SLC15A5: variants seen among roughly 807,000 people sequenced by gnomAD.
The protein encoded by SLC15A5 is Peptide/histidine transporter ENSP00000340402.
Under a neutral mutation model 56.1 loss-of-function variants are expected in SLC15A5, and 58 were observed. That is an observed-to-expected ratio of 1.03 (90% CI 0.84 to 1.29). The LOEUF is 1.29. Ranked by LOEUF, SLC15A5 falls within the 50% of genes most tolerant of loss-of-function variation. The pLI is 0.00. For missense variants in SLC15A5, 681 were observed against 672.1 expected (o/e 1.01, Z -0.15); for synonymous variants, 264 against 250.5 (o/e 1.05, Z -0.51).
intron 3 of SLC15A5, among the ~76,000 whole-genome samples, chr12:16,249,939 A>C (rs1864503199): frequency 1.3e-5 from 2 of 151,960 alleles, no homozygotes; most frequent in Middle Eastern, 3.2e-3. Context: ...GACTTTTTGC[A>C]TATTGACCGC....
Position 16,230,234 on chromosome 12 carries a change from C to G in SLC15A5, c.1163-5632G>C, listed in dbSNP as rs144206989. ...TTTGAGGACATATTTATCATATAATCTTATTCTTGCAACTTAGAGAGGCTA... is the reference window on the plus strand; with the variant it reads ...TTTGAGGACATATTTATCATATAATGTTATTCTTGCAACTTAGAGAGGCTA... On this transcript the variant is annotated intron_variant, in intron 5 of 8. Coordinates refer to ENST00000344941, the MANE Select transcript of SLC15A5 (RefSeq NM_001170798.1). Among the ~76,000 whole-genome samples the G allele has an allele frequency of 1.9e-3, 291 of 152,228 alleles. 13 individuals carry two copies. The East Asian group carries it at 0.047, about 24-fold the overall frequency.
Position 16,243,139 on chromosome 12 carries a change from A to C in SLC15A5, c.975+1441T>G, listed in dbSNP as rs1864428818. ...ACATAGATACGACAAAACAAAGAGC[A>C]TGGCTATGTTCTGATAAAACTTCAT... On this transcript the variant is annotated intron_variant, in intron 4 of 8. Transcript: ENST00000344941. This position sits in a 1 kb window ranked among gnomAD's most constrained non-coding sequence, Gnocchi z 4.4. Among the ~76,000 whole-genome samples, 1 of 152,118 alleles carries C rather than the reference A, an allele frequency of 6.6e-6. No individual in the cohort carries two copies. Among genetic ancestry groups the C allele is most frequent in the African/African-American group, 2.4e-5 (1 of 41,422 alleles).
At chr12:16,221,702 A>G (rs1174107374) in intron 6 of SLC15A5, among the ~76,000 whole-genome samples, 2 of 152,194 alleles carry the variant, frequency 1.3e-5, no homozygotes, top group Non-Finnish European at 2.9e-5. Context: ...TTTGAAGAGA[A>G]TGGACTCATG....
chr12:16,277,634 T>C lies in SLC15A5; in HGVS notation c.52A>G (p.Ser18Gly). 6.5e-7 allele frequency: 1 copy of C among 1,536,250 alleles called. No homozygotes were observed. Reference protein sequence around the residue: ...ITDEKVHLYHSIEKEKTVRHI... With the variant: ...ITDEKVHLYHGIEKEKTVRHI... ...CTTACAGTTTTCTCCTTCTCAATGC[T>C]GTGATATAAGTGTACTTTCTCATCA... is the stretch of plus-strand genomic sequence containing the variant. Residue 18 changes from serine (S) to glycine (G), a missense_variant, in exon 1 of 9, where the codon AGC becomes GGC. By Grantham distance (56) the Ser-to-Gly change is moderately conservative. Coordinates refer to ENST00000344941, the MANE Select transcript of SLC15A5 (RefSeq NM_001170798.1).
chr12:16,233,991 G>A (rs553777659), intron 5 of SLC15A5, among the ~76,000 whole-genome samples: 5 of 152,260 alleles, frequency 3.3e-5, no homozygotes, highest in African/African-American at 1.2e-4. Flanking sequence ...TAGTTTGCTT[G>A]TGCTGTTATT....
intron 8 of SLC15A5, among the ~76,000 whole-genome samples, chr12:16,192,200 A>G (rs866451556): frequency 6.6e-5 from 10 of 152,082 alleles, no homozygotes; most frequent in African/African-American, 2.4e-4. Flanking sequence ...TGTGTATAGC[A>G]TGCCACCCAA....
intron 3 of SLC15A5, among the ~76,000 whole-genome samples, chr12:16,248,617 C>T (rs938094312): frequency 6.6e-6 from 1 of 152,090 alleles, no homozygotes; most frequent in African/African-American, 2.4e-5. Context: ...ACTGTAGTTA[C>T]CACTGAATGT....
chr12:16,199,530 C>G (rs766884733), intron 7 of SLC15A5, among the ~76,000 whole-genome samples: 1 of 151,952 alleles, frequency 6.6e-6, no homozygotes, highest in Non-Finnish European at 1.5e-5. Flanking sequence ...AGGAACCCTC[C>G]CATTCATCCT....
chr12:16,227,202 A>G (rs1362762773), intron 5 of SLC15A5, among the ~76,000 whole-genome samples: 1 of 151,926 alleles, frequency 6.6e-6, no homozygotes, highest in Non-Finnish European at 1.5e-5. Context: ...TATTCATAGT[A>G]AAGTAGAGAT....
chr12:16,272,015 C>T (rs1864764631), intron 2 of SLC15A5, among the ~76,000 whole-genome samples: 1 of 152,148 alleles, frequency 6.6e-6, no homozygotes, highest in Non-Finnish European at 1.5e-5. Context: ...CATCTTCTCT[C>T]TGCATTGGCC....
intron 6 of SLC15A5, among the ~76,000 whole-genome samples, chr12:16,223,579 A>G (rs1374501079): frequency 6.6e-6 from 1 of 152,220 alleles, no homozygotes; most frequent in Non-Finnish European, 1.5e-5. Context: ...CTTATGAAAC[A>G]TTAGTGATCT....
chr12:16,194,907 A>T (rs1527003), intron 7 of SLC15A5, among the ~76,000 whole-genome samples: 73,241 of 151,916 alleles, frequency 0.48, 18,142 homozygotes, highest in South Asian at 0.72. Context: ...TAGTGAGATG[A>T]TGTATATAGG....
chr12:16,259,710 G>C (rs550457624), intron 2 of SLC15A5, among the ~76,000 whole-genome samples: 1 of 152,276 alleles, frequency 6.6e-6, no homozygotes, highest in African/African-American at 2.4e-5. Flanking sequence ...GTGGAGAGTT[G>C]AATTTTAACT....
chr12:16,260,955 A>G (rs1864637768), intron 2 of SLC15A5, among the ~76,000 whole-genome samples: 1 of 152,088 alleles, frequency 6.6e-6, no homozygotes, highest in Non-Finnish European at 1.5e-5. Flanking sequence ...TTGACCATAC[A>G]AATGTAGGTG....
intron 3 of SLC15A5, among the ~76,000 whole-genome samples, chr12:16,253,289 C>T (rs769456908): frequency 6.6e-6 from 1 of 151,990 alleles, no homozygotes; most frequent in Non-Finnish European, 1.5e-5. Context: ...AATGGGATGA[C>T]ATCAAACATG....
intron 5 of SLC15A5, among the ~76,000 whole-genome samples, chr12:16,232,828 A>G (rs1221035394): frequency 1.3e-5 from 2 of 152,132 alleles, no homozygotes; most frequent in Admixed American, 6.5e-5. Flanking sequence ...AGGCACAAGA[A>G]TTGCTTGAAC....
At chr12:16,258,377 G>A (rs1220568598) in intron 2 of SLC15A5, among the ~76,000 whole-genome samples, 3 of 152,116 alleles carry the variant, frequency 2.0e-5, no homozygotes, top group African/African-American at 7.2e-5. Flanking sequence ...GAAGAAATGA[G>A]TGACATTTGA....
At chr12:16,205,631 A>T (rs1864012034) in intron 7 of SLC15A5, among the ~76,000 whole-genome samples, 2 of 145,926 alleles carry the variant, frequency 1.4e-5, no homozygotes, top group Non-Finnish European at 3.0e-5. Context: ...ACATATATAT[A>T]TACACATATA....
rs1300665339 is a variant in SLC15A5, at chr12:16,244,733, G to T, written c.822C>A (p.Cys274Ter). The change falls in exon 4 of 9, where the codon TGC becomes TGA. Residue 274 changes from cysteine to a stop codon, truncating the protein, a stop_gained. Transcript: ENST00000344941. LOFTEE classifies it high-confidence loss of function. ...SALKTCHPQYCHLGRDVTSQL... is the reference protein window; with the variant it reads ...SALKTCHPQY ...GGCTTGTCACGTCTCTGCCAAGATG[G>T]CAGTATTGCGGGTGGCATGTTTTCA... 6.5e-7 allele frequency: 1 copy of T among 1,537,670 alleles called. No individual in the cohort carries two copies. The highest frequency in any genetic ancestry group is 2.4e-5 in the East Asian group (1 of 40,924).
Sources: gnomAD v4.1 joint callset for allele counts (sites outside exome capture counted in the v4.1 genomes callset) on GRCh38, gnomAD v4.1.1 for gene constraint, Gnocchi (gnomAD v3.1) non-coding constraint, MANE v1.5 for transcripts, NCBI Gene and HGNC (gene_info 2026-07-23, HGNC 2026-07-21) for gene names.